The following RER1 variants were observed in gnomAD, a reference collection of about 807,000 sequenced individuals.
The protein encoded by RER1 is retention in endoplasmic reticulum sorting receptor 1.
Under a neutral mutation model 28.3 loss-of-function variants are expected in RER1, and 6 were observed. That is an observed-to-expected ratio of 0.21 (90% CI 0.12 to 0.42). The LOEUF is 0.42. Ranked by LOEUF, RER1 falls within the 10% of genes least tolerant of loss-of-function variation. RER1 has a pLI of 1.00. For synonymous variants in RER1, 110 were observed against 95.9 expected (o/e 1.15, Z -0.86); for missense variants, 159 against 252.9 (o/e 0.63, Z 2.52).
At position 2,395,943 on chromosome 1, in the gene RER1, G is replaced by T. The variant is rs1557901364; in HGVS notation, c.81+72G>T. ...CGGGACTCCCAGCATTTTCGGGAAGGATCTGTTTGCTGGTGTTCCTGATGG... is the reference window on the plus strand; with the variant it reads ...CGGGACTCCCAGCATTTTCGGGAAGTATCTGTTTGCTGGTGTTCCTGATGG... On this transcript the variant is annotated intron_variant, in intron 2 of 6. Coordinates refer to ENST00000605895, the MANE Select transcript of RER1 (RefSeq NM_007033.5). 3 of 1,201,076 alleles carry T rather than the reference G, an allele frequency of 2.5e-6. No individual in the cohort carries two copies. The East Asian group carries it at 7.0e-5, about 28-fold the overall frequency. 74.4% of individuals were successfully genotyped at this position (1,201,076 alleles called of 1,614,324 possible).
At chr1:2,400,804 C>A in intron 4 of RER1, 53 bp from the exon 5 acceptor site, 1 of 1,412,802 alleles carries the variant, frequency 7.1e-7, no homozygotes, top group Non-Finnish European at 1.0e-6. Flanking sequence ...AAAGGTAGAA[C>A]TGTGATGGGA....
Position 2,400,587 on chromosome 1 carries a change from A to C in RER1, c.287-270A>C, listed in dbSNP as rs557019568. Among the ~76,000 whole-genome samples, 230 of 152,196 alleles carry C rather than the reference A, an allele frequency of 1.5e-3. 1 individual carries two copies. The highest frequency in any genetic ancestry group is 2.8e-3 in the Non-Finnish European group (189 of 68,038). ...TCTGTGCCTTTACGTGGTGCAGCTG[A>C]CGTGTTCCTGGATGTTTATATGTGG... is the stretch of plus-strand genomic sequence containing the variant. On this transcript the variant is annotated intron_variant, in intron 4 of 6. Coordinates refer to ENST00000605895, the MANE Select transcript of RER1 (RefSeq NM_007033.5).
At position 2,404,309 on chromosome 1, in the gene RER1, A is replaced by G. The variant is rs960411014; in HGVS notation, c.*1185A>G. 1 of 152,270 alleles carries G rather than the reference A, an allele frequency of 6.6e-6. No individual in the cohort carries two copies. Among genetic ancestry groups the G allele is most frequent in the Non-Finnish European group, 1.5e-5 (1 of 68,050 alleles). 9.4% of individuals were successfully genotyped at this position (152,270 alleles called of 1,614,324 possible). On this transcript the variant is annotated 3_prime_UTR_variant, in exon 7 of 7. Coordinates refer to ENST00000605895, the MANE Select transcript of RER1 (RefSeq NM_007033.5). Reference sequence around the variant, plus strand: ...CAAGCTTGTGTGTCCCTGACCCAAGATAGCCAGTGCTGCTCCCAGGTGGTA... The same window carrying G: ...CAAGCTTGTGTGTCCCTGACCCAAGGTAGCCAGTGCTGCTCCCAGGTGGTA...
Position 2,404,032 on chromosome 1 carries a change from A to T in RER1, c.*908A>T, listed in dbSNP as rs1030908658. On this transcript the variant is annotated 3_prime_UTR_variant, in exon 7 of 7. Transcript: ENST00000605895. ...CTAAAACATGGCAGTCGCTGGACAC[A>T]GGAAAGCCCACCTTTTGTTTGGCCT... is the stretch of plus-strand genomic sequence containing the variant. 6.6e-6 allele frequency: 1 copy of T among 152,272 alleles called. No homozygotes were observed. The highest frequency in any genetic ancestry group is 2.4e-5 in the African/African-American group (1 of 41,470). 9.4% of individuals were successfully genotyped at this position (152,272 alleles called of 1,614,324 possible).
At position 2,404,749 on chromosome 1, in the gene RER1, C is replaced by T. The variant is rs988540107; in HGVS notation, c.*1625C>T. 1 of 152,300 alleles carries T rather than the reference C, an allele frequency of 6.6e-6. No individual in the cohort carries two copies. The highest frequency in any genetic ancestry group is 2.4e-5 in the African/African-American group (1 of 41,462). 9.4% of individuals were successfully genotyped at this position (152,300 alleles called of 1,614,324 possible). A position where few individuals can be genotyped will look rare whatever the true frequency, so the allele number is the denominator to read the frequency against. On this transcript the variant is annotated 3_prime_UTR_variant, in exon 7 of 7. Transcript: ENST00000605895. ...CGTCAGCAGGGAAATGTGGCACACG[C>T]CCTCGAGGCATTTTAACACTGCGCT... is the stretch of plus-strand genomic sequence containing the variant.
rs2100411185 is a variant in RER1 at position 2,403,145 on chromosome 1, C to CA, written c.*22dup. 1 of 1,592,822 alleles carries CA rather than the reference C, an allele frequency of 6.3e-7. No homozygotes were observed. Among genetic ancestry groups the CA allele is most frequent in the South Asian group, 1.1e-5 (1 of 90,656 alleles). On this transcript the variant is annotated 3_prime_UTR_variant, in exon 7 of 7. Coordinates refer to ENST00000605895, the MANE Select transcript of RER1 (RefSeq NM_007033.5). ...GCTAGAAGCGGGACTGAGGCTGCCT[C>CA]ACGTGTTGCAAGAACAGTTTTGAGC...
intron 1 of RER1, among the ~76,000 whole-genome samples, chr1:2,392,812 A>T (rs1642704674): frequency 6.6e-6 from 1 of 152,236 alleles, no homozygotes; most frequent in South Asian, 2.1e-4. Flanking sequence ...TGTCAGAGCC[A>T]GGTGGAGATA....
chr1:2,395,047 C>T (rs1642747773), intron 1 of RER1: 2 of 152,324 alleles, frequency 1.3e-5, no homozygotes. Flanking sequence ...GGACCTTGGA[C>T]ACGTGGCTTC....
At chr1:2,396,968 A>C (rs1038422185) in intron 2 of RER1, 148 bp from the exon 3 acceptor site, 5 of 576,896 alleles carry the variant, frequency 8.7e-6, no homozygotes, top group Non-Finnish European at 1.6e-5. Context: ...CTTTGTGCTG[A>C]TACATAGATG....
rs1642964808 is a variant in RER1, at chr1:2,405,379, A to G, written c.*2255A>G. 2.7e-6 allele frequency: 1 copy of G among 374,504 alleles called. No individual in the cohort carries two copies. The highest frequency in any genetic ancestry group is 2.1e-5 in the African/African-American group (1 of 47,454). The allele number at this position is 374,504 out of a possible 1,614,324, so 23.2% of individuals were successfully genotyped here. A position where few individuals can be genotyped will look rare whatever the true frequency, so the allele number is the denominator to read the frequency against. On this transcript the variant is annotated 3_prime_UTR_variant, in exon 7 of 7. Coordinates refer to ENST00000605895, the MANE Select transcript of RER1 (RefSeq NM_007033.5). ...CACTCATTCAGTCCATTGCCTTAAC[A>G]CAAGCCTGATGGGGCTGTTTTCTCA...
Position 2,403,104 on chromosome 1 carries a change from G to T in RER1, c.571G>T (p.Gly191Cys). 6.2e-7 allele frequency: 1 copy of T among 1,614,064 alleles called. No individual in the cohort carries two copies. The highest frequency in any genetic ancestry group is 8.5e-7 in the Non-Finnish European group (1 of 1,179,944). The change falls in exon 7 of 7, where the codon GGC (glycine) becomes TGC (cysteine). Residue 191 changes from glycine (G) to cysteine (C), a missense_variant. Transcript: ENST00000605895. ...AAGGTACAGAGGCAAGGAGGATGCC[G>T]GCAAGGCCTTCGCCAGCTAGAAGCG... ...KRRYRGKEDA[G>C]KAFAS
At position 2,399,468 on chromosome 1, in the gene RER1, A is replaced by G; in HGVS notation, c.240A>G (p.Ile80Met). 6.2e-7 allele frequency: 1 copy of G among 1,613,068 alleles called. No individual in the cohort carries two copies. Reference sequence around the variant, plus strand: ...GGATCTACCATCTAAATCTTTTCATAGCTTTTCTTTCTCCCAAAGTGGATC... The same window carrying G: ...GGATCTACCATCTAAATCTTTTCATGGCTTTTCTTTCTCCCAAAGTGGATC... ...ALGIYHLNLFIAFLSPKVDPS... is the reference protein window; with the variant it reads ...ALGIYHLNLFMAFLSPKVDPS... The change falls in exon 4 of 7, where the codon ATA (isoleucine) becomes ATG (methionine). Residue 80 changes from isoleucine (I) to methionine (M), a missense_variant. Ile to Met is a conservative substitution (Grantham distance 10). Coordinates refer to ENST00000605895, the MANE Select transcript of RER1 (RefSeq NM_007033.5).
intron 5 of RER1, 127 bp downstream of exon 5, chr1:2,401,062 C>T (rs1232341929): frequency 1.3e-6 from 1 of 772,108 alleles, no homozygotes; most frequent in Non-Finnish European, 2.3e-6. Context: ...CGGGGAATCG[C>T]AGGGGCTCTC....
In RER1 at chr1:2,400,900, C is replaced by A. The variant is rs555736280; in HGVS notation, c.330C>A (p.Arg110=). ...CCACCAAACAGAACGAGGAATTCCGCCCCTTCATTCGAAGGCTCCCAGAGT... is the reference window on the plus strand; with the variant it reads ...CCACCAAACAGAACGAGGAATTCCGACCCTTCATTCGAAGGCTCCCAGAGT... The part of the protein sequence containing the change: ...SLPTKQNEEF[R]PFIRRLPEFK... Residue 110 remains arginine, a synonymous_variant, in exon 5 of 7, where the codon CGC becomes CGA. Coordinates refer to ENST00000605895, the MANE Select transcript of RER1 (RefSeq NM_007033.5). The A allele has an allele frequency of 6.2e-7, 1 of 1,614,098 alleles. No homozygotes were observed. Among genetic ancestry groups the A allele is most frequent in the South Asian group, 1.1e-5 (1 of 91,078 alleles).
intron 6 of RER1, 85 bp from the exon 7 acceptor site, chr1:2,402,950 G>A (rs1320384246): frequency 2.7e-6 from 3 of 1,099,770 alleles, no homozygotes; most frequent in Non-Finnish European, 4.1e-6. Flanking sequence ...AAAAGATGGG[G>A]GACCTTTGGC....
At chr1:2,401,280 CTCCTCCT>C (rs1557903779) in intron 5 of RER1, among the ~76,000 whole-genome samples, 6 of 76,078 alleles carry the variant, frequency 7.9e-5, no homozygotes, top group South Asian at 1.2e-3. Context: ...TCCCTCCTCC[CTCCTCCT>C]TCCTCCCTCC....
chr1:2,394,368 G>A (rs1016427636), intron 1 of RER1: 1 of 152,256 alleles, frequency 6.6e-6, no homozygotes, highest in South Asian at 2.1e-4. Context: ...TGATGGGAGA[G>A]CCAAGGCACT....
rs975094639 is a variant in RER1, at chr1:2,403,490, G to A, written c.*366G>A. 6 of 290,450 alleles carry A rather than the reference G, an allele frequency of 2.1e-5. No individual in the cohort carries two copies. Among genetic ancestry groups the A allele is most frequent in the African/African-American group, 1.1e-4 (5 of 44,352 alleles). 18.0% of individuals were successfully genotyped at this position (290,450 alleles called of 1,614,324 possible). Reference sequence around the variant, plus strand: ...AGGAACGGGCCGCTCCCCGCCAGCCGCCTTCCCCAGCAGCCGCAGGTGGTG... The same window carrying A: ...AGGAACGGGCCGCTCCCCGCCAGCCACCTTCCCCAGCAGCCGCAGGTGGTG... On this transcript the variant is annotated 3_prime_UTR_variant, in exon 7 of 7. Coordinates refer to ENST00000605895, the MANE Select transcript of RER1 (RefSeq NM_007033.5).
rs1267599811 is a variant in RER1 at position 2,403,393 on chromosome 1, C to G, written c.*269C>G. 7.4e-6 allele frequency: 3 copies of G among 405,702 alleles called. No homozygotes were observed. The Admixed American group carries it at 1.1e-4, about 15-fold the overall frequency. The allele number at this position is 405,702 out of a possible 1,614,324, so 25.1% of individuals were successfully genotyped here. On this transcript the variant is annotated 3_prime_UTR_variant, in exon 7 of 7. Coordinates refer to ENST00000605895, the MANE Select transcript of RER1 (RefSeq NM_007033.5). The stretch of plus-strand genomic sequence containing the variant: ...CAGGCGGGAAGCCAGGCGGGTGGAG[C>G]CCATGGGAGCAAGGGCGAGTGGCCG...
Sources: gnomAD v4.1 joint callset for allele counts (sites outside exome capture counted in the v4.1 genomes callset) on GRCh38, gnomAD v4.1.1 for gene constraint, MANE v1.5 for transcripts, NCBI Gene and HGNC (gene_info 2026-07-23, HGNC 2026-07-21) for gene names.